Variants in VIT observed in about 807,000 individuals in gnomAD.
The protein encoded by VIT is vitrin.
VIT carries 99 observed loss-of-function variants against 78.0 expected under a neutral mutation model. That is an observed-to-expected ratio of 1.27 (90% confidence interval 1.08 to 1.50). VIT has a LOEUF of 1.50. VIT is among the 40% of genes most tolerant of loss of function. The probability of loss-of-function intolerance (pLI) is 0.00; values close to 1 mark genes in which losing one functional copy is unlikely to be tolerated. For missense variants in VIT, 1,126 were observed against 875.3 expected, an observed-to-expected ratio of 1.29 and a Z score of -3.61; for synonymous variants, 374 against 334.3, an observed-to-expected ratio of 1.12 and a Z score of -1.29.
intron 3 of VIT, among the ~76,000 whole-genome samples, chr2:36,737,034 G>GAAC (rs1373539565): frequency 1.3e-5 from 2 of 151,912 alleles, no homozygotes; most frequent in African/African-American, 4.8e-5. Context: ...ATGGACAAAG[G>GAAC]AACAACAACA....
chr2:36,794,164 C>G (rs773214186), intron 12 of VIT, among the ~76,000 whole-genome samples: 36 of 152,192 alleles, frequency 2.4e-4, no homozygotes, highest in South Asian at 1.2e-3. Context: ...TTTACTGTTA[C>G]ACAAATTCCT....
rs550891016 is a variant in VIT at position 36,730,895 on chromosome 2, G to C, written c.118+1404G>C. Among the ~76,000 whole-genome samples, 7 of 152,276 alleles carry C rather than the reference G, an allele frequency of 4.6e-5. No homozygotes were observed. The South Asian group carries it at 1.2e-3, about 27-fold the overall frequency. Reference sequence around the variant, plus strand: ...GGAGTACGTGCTGATTGGTTTGCGAGTATGCAAAAAAGTTTACAGCAAAGA... The same window carrying C: ...GGAGTACGTGCTGATTGGTTTGCGACTATGCAAAAAAGTTTACAGCAAAGA... On this transcript the variant is annotated intron_variant, in intron 3 of 15. Coordinates refer to ENST00000379242, the MANE Select transcript of VIT (RefSeq NM_053276.4).
intron 2 of VIT, 111 bp from the exon 3 acceptor site, chr2:36,729,315 A>C: frequency 5.7e-6 from 5 of 876,410 alleles, no homozygotes; most frequent in Non-Finnish European, 8.5e-6. Context: ...AGGGAAAATT[A>C]GTTCTGCCAT....
chr2:36,758,151 T>G (rs1171532306), intron 5 of VIT, among the ~76,000 whole-genome samples: 1 of 152,238 alleles, frequency 6.6e-6, no homozygotes, highest in Non-Finnish European at 1.5e-5. Context: ...GTATTTTAAT[T>G]TTAACAGAGA....
rs1203361983 is a variant in VIT, at chr2:36,708,088, C to T, written c.-18-8265C>T. 2.0e-5 allele frequency among the ~76,000 whole-genome samples: 3 copies of T among 151,574 alleles called. No individual in the cohort carries two copies. The East Asian group carries it at 5.8e-4, about 29-fold the overall frequency. ...TGAAGGTTTATGTACAGATAGAGGC[C>T]ACCACCACATTGTAAAGGACCTCCC... On this transcript the variant is annotated intron_variant, in intron 1 of 15. Coordinates refer to ENST00000379242, the MANE Select transcript of VIT (RefSeq NM_053276.4).
chr2:36,748,017 G>A (rs1668241856), intron 4 of VIT, among the ~76,000 whole-genome samples: 1 of 152,258 alleles, frequency 6.6e-6, no homozygotes, highest in East Asian at 1.9e-4. Context: ...TTTTTGTTGG[G>A]ATTTCTTTTC....
chr2:36,775,122 T>C, intron 9 of VIT, 55 bp downstream of exon 9: 1 of 1,601,142 alleles, frequency 6.2e-7, no homozygotes, highest in Non-Finnish European at 8.5e-7. Context: ...TCTGTGGCAC[T>C]TTGCAAACAT....
intron 4 of VIT, among the ~76,000 whole-genome samples, chr2:36,751,355 C>T (rs1558538867): frequency 6.6e-6 from 1 of 151,966 alleles, no homozygotes. Context: ...GAGATCTCGC[C>T]ACTGCACTCC....
At chr2:36,793,308 A>C (rs535010142) in intron 12 of VIT, among the ~76,000 whole-genome samples, 1,628 of 152,238 alleles carry the variant, frequency 0.011, 19 homozygotes, top group African/African-American at 0.037. Flanking sequence ...AGAAAAAAAA[A>C]CCCCACTCAC....
intron 4 of VIT, among the ~76,000 whole-genome samples, chr2:36,754,513 T>A (rs763818036): frequency 4.1e-4 from 62 of 151,804 alleles, no homozygotes; most frequent in Admixed American, 2.0e-3. Context: ...AAAAAAGGAG[T>A]GTTTACTTTT....
chr2:36,759,275 A>T, intron 6 of VIT: 1 of 1,471,210 alleles, frequency 6.8e-7, no homozygotes, highest in Non-Finnish European at 9.0e-7. Context: ...TTGTGTCTCT[A>T]TATTTGTGTC....
intron 1 of VIT, among the ~76,000 whole-genome samples, chr2:36,708,446 T>A (rs889290196): frequency 6.6e-6 from 1 of 152,116 alleles, no homozygotes; most frequent in Non-Finnish European, 1.5e-5. Context: ...CTAGGGCAGA[T>A]TTTTTTCCAA....
At chr2:36,802,103 A>G (rs1666375513) in intron 13 of VIT, among the ~76,000 whole-genome samples, 1 of 152,218 alleles carries the variant, frequency 6.6e-6, no homozygotes, top group African/African-American at 2.4e-5. Context: ...GTTTCAAGCT[A>G]GGTCTTCTGT....
At chr2:36,707,079 C>T (rs1004018967) in intron 1 of VIT, among the ~76,000 whole-genome samples, 5 of 152,070 alleles carry the variant, frequency 3.3e-5, no homozygotes, top group African/African-American at 9.7e-5. Context: ...TGGTATAAAC[C>T]CCTATTATTA....
At chr2:36,795,439 C>CTCTTGTTGCCCAGGCTGGA (rs1240565042) in intron 12 of VIT, among the ~76,000 whole-genome samples, 2 of 150,736 alleles carry the variant, frequency 1.3e-5, no homozygotes, top group Non-Finnish European at 2.9e-5. Flanking sequence ...CGGAGTTTCG[C>CTCTTGTTGCCCAGGCTGGA]TCTTGTTGCC....
At chr2:36,781,881 G>C (rs148676190) in intron 10 of VIT, 110 bp downstream of exon 10, 244 of 1,315,156 alleles carry the variant, frequency 1.9e-4, no homozygotes, top group Non-Finnish European at 2.5e-4. Flanking sequence ...CACTAGCCTA[G>C]GATTTCTAAT....
chr2:36,700,605 G>A (rs1204249255), intron 1 of VIT, among the ~76,000 whole-genome samples: 1 of 152,036 alleles, frequency 6.6e-6, no homozygotes, highest in East Asian at 1.9e-4. Context: ...AGCCAGGCAT[G>A]GCTGTGCTCG....
chr2:36,794,705 C>G (rs932598574), intron 12 of VIT, among the ~76,000 whole-genome samples: 1 of 152,130 alleles, frequency 6.6e-6, no homozygotes, highest in South Asian at 2.1e-4. Context: ...AGTTCCATGC[C>G]TTTGCCCCTA....
chr2:36,783,427 C>A (rs1217536286), intron 11 of VIT, 25 bp downstream of exon 11: 1 of 1,612,936 alleles, frequency 6.2e-7, no homozygotes, highest in East Asian at 2.2e-5. Flanking sequence ...AACTAGAAAC[C>A]CACGGTGTCT....
Sources: allele counts gnomAD v4.1 joint callset (sites outside exome capture counted in the v4.1 genomes callset), GRCh38; gene constraint gnomAD v4.1.1; transcripts MANE v1.5; gene names NCBI Gene and HGNC (gene_info 2026-07-23, HGNC 2026-07-21).